Variants in DBN1 observed in about 807,000 individuals in gnomAD.
DBN1 encodes drebrin.
In DBN1, 21 loss-of-function variants were observed where a neutral mutation model predicts 83.5. The observed-to-expected ratio is 0.25, with a 90% CI of 0.18 to 0.36. The LOEUF (loss-of-function observed/expected upper bound fraction) is 0.36. Among genes scored for constraint, DBN1 ranks in the 10% least tolerant of loss-of-function variants. DBN1 has a pLI of 1.00. For missense variants in DBN1, 874 were observed against 935.7 expected (o/e 0.93, Z 0.86); for synonymous variants, 381 against 384.9 (o/e 0.99, Z 0.12).
intron 8 of DBN1, among the ~76,000 whole-genome samples, chr5:177,464,568 G>A (rs953060713): frequency 6.6e-6 from 1 of 151,318 alleles, no homozygotes; most frequent in Admixed American, 6.6e-5. Context: ...GACCATCCTG[G>A]CCAACATGGT....
chr5:177,468,340 C>A, intron 2 of DBN1, 120 bp from the exon 3 acceptor site: 1 of 800,368 alleles, frequency 1.2e-6, no homozygotes, highest in East Asian at 2.5e-5. Flanking sequence ...GTCTTCTGGC[C>A]TCTGGGGTCT....
rs905918069 is a variant in DBN1, at chr5:177,466,293, C to T, written c.771+479G>A. Among the ~76,000 whole-genome samples the T allele has an allele frequency of 8.5e-5, 13 of 152,342 alleles. No individual in the cohort carries two copies. Among genetic ancestry groups the T allele is most frequent in the Admixed American group, 6.5e-4 (10 of 15,308 alleles). On this transcript the variant is annotated intron_variant, in intron 8 of 14. Coordinates refer to ENST00000393565, the MANE Select transcript of DBN1 (RefSeq NM_001363541.2). This position sits in a 1 kb window ranked among gnomAD's most constrained non-coding sequence, Gnocchi z 4.8. Reference sequence around the variant, plus strand: ...GGGACCAATCCACAGGACCTACGGGCCATTCCCAATGTGTGGAGATTCAGA... The same window carrying T: ...GGGACCAATCCACAGGACCTACGGGTCATTCCCAATGTGTGGAGATTCAGA...
chr5:177,472,366 G>C, intron 1 of DBN1: 3 of 1,482,280 alleles, frequency 2.0e-6, no homozygotes, highest in Non-Finnish European at 2.7e-6. Context: ...CCAGCAGGGA[G>C]AGGAGGCCTA....
At chr5:177,471,880 A>G (rs1757867538) in intron 1 of DBN1, among the ~76,000 whole-genome samples, 1 of 152,006 alleles carries the variant, frequency 6.6e-6, no homozygotes, top group Admixed American at 6.5e-5. Context: ...CTCTGCTTTT[A>G]GGAGAAAATG....
At position 177,473,621 on chromosome 5, in the gene DBN1, C is replaced by T. The variant is rs964691987; in HGVS notation, c.-100G>A. ...GGAGTCGCCGCCGCCGCCTCGGAGC[C>T]TCTGCAGCGTCGCGAGCCGAGCGAG... On this transcript the variant is annotated 5_prime_UTR_variant, in exon 1 of 15. Transcript: ENST00000393565. 2.0e-3 allele frequency: 1,197 copies of T among 613,470 alleles called. 2 individuals carry two copies. The highest frequency in any genetic ancestry group is 2.4e-3 in the Non-Finnish European group (1,127 of 466,826). 38.0% of individuals were successfully genotyped at this position (613,470 alleles called of 1,614,324 possible).
intron 8 of DBN1, among the ~76,000 whole-genome samples, chr5:177,463,601 A>G (rs1449560769): frequency 6.6e-6 from 1 of 152,250 alleles, no homozygotes; most frequent in Non-Finnish European, 1.5e-5. Context: ...AGTCTCTCGC[A>G]TATTCCCTTC....
At position 177,458,118 on chromosome 5, in the gene DBN1, C is replaced by T; in HGVS notation, c.1854G>A (p.Glu618=). ...TTAGCAGGTGGGGCTCCGGCTCCTG[C>T]TCTTGCTCCAGCTCCTCAAGGGCTG... is the stretch of plus-strand genomic sequence containing the variant. ...LPSALEELEQ[E]QEPEPHLLTN... The change falls in exon 13 of 15, where the codon GAG becomes GAA. Residue 618 remains glutamate, a synonymous_variant. Transcript: ENST00000393565. 6.2e-7 allele frequency: 1 copy of T among 1,613,718 alleles called. No homozygotes were observed. Among genetic ancestry groups the T allele is most frequent in the Non-Finnish European group, 8.5e-7 (1 of 1,180,016 alleles).
At position 177,462,178 on chromosome 5, in the gene DBN1, G is replaced by A. The variant is rs140274375; in HGVS notation, c.772-1475C>T. Reference sequence around the variant, plus strand: ...TCCCCCACCCCTGCCTGACCTAGCCGTCACCTCTCCAACACCACCCCCTGC... The same window carrying A: ...TCCCCCACCCCTGCCTGACCTAGCCATCACCTCTCCAACACCACCCCCTGC... On this transcript the variant is annotated intron_variant, in intron 8 of 14. Transcript: ENST00000393565. 1.2e-3 allele frequency: 1,105 copies of A among 955,152 alleles called. 7 individuals carry two copies. The African/African-American group carries it at 0.015, about 13-fold the overall frequency. The allele number at this position is 955,152 out of a possible 1,614,324, so 59.2% of individuals were successfully genotyped here.
intron 8 of DBN1, among the ~76,000 whole-genome samples, chr5:177,463,162 G>A (rs372908754): frequency 1.3e-5 from 2 of 152,074 alleles, no homozygotes; most frequent in Admixed American, 6.6e-5. Context: ...TCAGCCTCCC[G>A]AGTAGCTGGG....
chr5:177,464,603 CAATAAATAAATAAATAAATAAATA>C (rs58012739), intron 8 of DBN1, among the ~76,000 whole-genome samples: 13 of 138,272 alleles, frequency 9.4e-5, no homozygotes, highest in African/African-American at 3.2e-4. Context: ...ACTAAAAAGA[CAATAAATAAATAAATAAATAAATA>C]AATAAATAAA....
At chr5:177,465,200 G>A (rs914237858) in intron 8 of DBN1, among the ~76,000 whole-genome samples, 1 of 152,146 alleles carries the variant, frequency 6.6e-6, no homozygotes, top group Non-Finnish European at 1.5e-5. Flanking sequence ...CACTCTGAAA[G>A]GATAAATAAA....
In DBN1 at chr5:177,467,084, AG is replaced by A. The variant is rs754868735; in HGVS notation, c.556-23del. ...CCTTCTGCAAGCCCCGGTGCGAACA[AG>A]GGTAGGCCCCGAGCCTAGGCGCCTG... On this transcript the variant is annotated intron_variant, in intron 6 of 14. Transcript: ENST00000393565. The surrounding 1 kb of genome is among the most constrained non-coding windows in gnomAD (Gnocchi z 9.1). 9.9e-6 allele frequency: 16 copies of A among 1,613,340 alleles called. No homozygotes were observed. Among genetic ancestry groups the A allele is most frequent in the Non-Finnish European group, 1.4e-5 (16 of 1,179,868 alleles).
rs1757455223 is a variant in DBN1, at chr5:177,466,578, TTTCCAC to T, written c.771+188_771+193del. Among the ~76,000 whole-genome samples the T allele has an allele frequency of 6.6e-6, 1 of 152,152 alleles. No individual in the cohort carries two copies. Among genetic ancestry groups the T allele is most frequent in the Non-Finnish European group, 1.5e-5 (1 of 68,012 alleles). On this transcript the variant is annotated intron_variant, in intron 8 of 14. Transcript: ENST00000393565. This position sits in a 1 kb window ranked among gnomAD's most constrained non-coding sequence, Gnocchi z 4.8. ...GCACAAGCTTCTCCAAAGTAGTCTT[TTTCCAC>T]GGCCAGAGGCCAGAGCCCCACGTGA...
In DBN1 at chr5:177,459,243, C is replaced by A. The variant is rs199808119; in HGVS notation, c.1119G>T (p.Arg373Ser). ...GCGTGGGGATGGGAGTGGGCGCCAT[C>A]CTCCGGTGGCTGTCCAGGTGGCTGC... ...LPCSHLDSHR[R>S]MAPTPIPTRS... The change falls in exon 12 of 15, where the codon AGG becomes AGT. Residue 373 changes from arginine (R) to serine (S), a missense_variant. By Grantham distance (110) the Arg-to-Ser change is moderately radical. Coordinates refer to ENST00000393565, the MANE Select transcript of DBN1 (RefSeq NM_001363541.2). 2 of 1,609,468 alleles carry A rather than the reference C, an allele frequency of 1.2e-6. No homozygotes were observed. Among genetic ancestry groups the A allele is most frequent in the Non-Finnish European group, 1.7e-6 (2 of 1,179,120 alleles).
intron 8 of DBN1, among the ~76,000 whole-genome samples, chr5:177,461,347 C>T (rs1757029264): frequency 6.6e-6 from 1 of 151,994 alleles, no homozygotes; most frequent in South Asian, 2.1e-4. Context: ...ATCCGCCCGC[C>T]TCGGCCTCCC....
chr5:177,464,101 G>A (rs556248092), intron 8 of DBN1, among the ~76,000 whole-genome samples: 1 of 148,782 alleles, frequency 6.7e-6, no homozygotes, highest in East Asian at 2.0e-4. Context: ...GGGGACAAGA[G>A]TGAGACTTCA....
rs759353588 is a variant in DBN1, at chr5:177,468,945, G to A, written c.87-46C>T. ...CTGTCAAACTGTCAGGGCCCAGGCCGCCAATTCTGGGTGGGGACGGCTCTG... is the reference window on the plus strand; with the variant it reads ...CTGTCAAACTGTCAGGGCCCAGGCCACCAATTCTGGGTGGGGACGGCTCTG... On this transcript the variant is annotated intron_variant, in intron 1 of 14. Coordinates refer to ENST00000393565, the MANE Select transcript of DBN1 (RefSeq NM_001363541.2). The A allele has an allele frequency of 2.0e-5, 25 of 1,248,202 alleles. No homozygotes were observed. The African/African-American group carries it at 2.5e-4, about 12-fold the overall frequency. The allele number at this position is 1,248,202 out of a possible 1,614,324, so 77.3% of individuals were successfully genotyped here. A position where few individuals can be genotyped will look rare whatever the true frequency, so the allele number is the denominator to read the frequency against.
At chr5:177,468,973 G>A (rs878992266) in intron 1 of DBN1, 74 bp from the exon 2 acceptor site, 3 of 917,644 alleles carry the variant, frequency 3.3e-6, no homozygotes, top group South Asian at 8.5e-5. Flanking sequence ...CGGCTCTGGG[G>A]AGGGAGAGGG....
At chr5:177,471,390 G>C (rs1322829695) in intron 1 of DBN1, among the ~76,000 whole-genome samples, 2 of 152,092 alleles carry the variant, frequency 1.3e-5, no homozygotes, top group Non-Finnish European at 2.9e-5. Flanking sequence ...TGGGTCCCCT[G>C]CTCCCTGTGC....
Sources: allele counts gnomAD v4.1 joint callset (sites outside exome capture counted in the v4.1 genomes callset), GRCh38; gene constraint gnomAD v4.1.1; non-coding constraint Gnocchi (gnomAD v3.1); transcripts MANE v1.5; gene names NCBI Gene and HGNC (gene_info 2026-07-23, HGNC 2026-07-21).